The following IL12B variants were observed in gnomAD, a reference collection of about 807,000 sequenced individuals.
IL12B encodes interleukin 12B, also known as interleukin-12 subunit beta.
A neutral mutation model predicts 39.2 loss-of-function variants in IL12B; 27 were observed. That is an observed-to-expected ratio of 0.69 (90% confidence interval 0.51 to 0.95). The LOEUF is 0.95. IL12B is among the 40% of genes least tolerant of loss of function. The probability of loss-of-function intolerance (pLI) is 0.00; values close to 1 mark genes in which losing one functional copy is unlikely to be tolerated. For missense variants in IL12B, 351 were observed against 397.6 expected (o/e 0.88, Z 1.00); for synonymous variants, 142 against 152.1 (o/e 0.93, Z 0.49).
intron 2 of IL12B, 67 bp downstream of exon 2, chr5:159,326,628 C>G: frequency 8.8e-7 from 1 of 1,130,610 alleles, no homozygotes; most frequent in Admixed American, 1.7e-5. Flanking sequence ...GATTTCCCAC[C>G]AGTGGCTGCC....
rs769663930 is a variant in IL12B at position 159,318,720 on chromosome 5, C to A, written c.855+16G>T. The A allele has an allele frequency of 6.2e-7, 1 of 1,613,832 alleles. No individual in the cohort carries two copies. Among genetic ancestry groups the A allele is most frequent in the South Asian group, 1.1e-5 (1 of 91,078 alleles). ...AAACTGACCAAGGAATATACTGCACCTGAATCACTTCTTACCTTTTCTCTC... is the reference window on the plus strand; with the variant it reads ...AAACTGACCAAGGAATATACTGCACATGAATCACTTCTTACCTTTTCTCTC... On this transcript the variant is annotated intron_variant, in intron 6 of 7. Transcript: ENST00000231228.
intron 1 of IL12B, among the ~76,000 whole-genome samples, chr5:159,328,454 A>G (rs1484367498): frequency 6.6e-6 from 1 of 152,184 alleles, no homozygotes; most frequent in Non-Finnish European, 1.5e-5. Flanking sequence ...TGGACCTAAT[A>G]CTTATCTCAA....
In IL12B at chr5:159,315,980, A is replaced by T. The variant is rs894111405; in HGVS notation, c.*121T>A. On this transcript the variant is annotated 3_prime_UTR_variant, in exon 8 of 8. Transcript: ENST00000231228. ...ACAGCAAAGATATCATTGTGATCCTAAAAAAACGTTTTAAAGCAAATCAGA... is the reference window on the plus strand; with the variant it reads ...ACAGCAAAGATATCATTGTGATCCTTAAAAAACGTTTTAAAGCAAATCAGA... The T allele has an allele frequency of 2.7e-5, 4 of 150,686 alleles. No homozygotes were observed. The highest frequency in any genetic ancestry group is 1.0e-4 in the African/African-American group (4 of 39,766). The allele number at this position is 150,686 out of a possible 1,614,324, so 9.3% of individuals were successfully genotyped here.
intron 7 of IL12B, 26 bp downstream of exon 7, chr5:159,316,659 G>C: frequency 1.2e-6 from 2 of 1,605,070 alleles, no homozygotes; most frequent in South Asian, 2.2e-5. Context: ...GTGCAGGCCT[G>C]GGCTGGCCTT....
chr5:159,323,614 C>T (rs996199765), intron 2 of IL12B, among the ~76,000 whole-genome samples: 2 of 152,060 alleles, frequency 1.3e-5, no homozygotes, highest in Non-Finnish European at 2.9e-5. Context: ...CCTTAATATA[C>T]CAAAAACTGC....
intron 7 of IL12B, 28 bp downstream of exon 7, chr5:159,316,657 C>T (rs1254105220): frequency 3.7e-6 from 6 of 1,603,968 alleles, no homozygotes; most frequent in Non-Finnish European, 3.4e-6. Context: ...GAGTGCAGGC[C>T]TGGGCTGGCC....
chr5:159,326,662 G>A, intron 2 of IL12B, 33 bp downstream of exon 2: 1 of 1,459,022 alleles, frequency 6.9e-7, no homozygotes, highest in Admixed American at 1.7e-5. Context: ...TTAGAAGTGG[G>A]GCCTCCACAG....
chr5:159,324,163 G>T (rs1440291520), intron 2 of IL12B, among the ~76,000 whole-genome samples: 2 of 151,920 alleles, frequency 1.3e-5, no homozygotes, highest in African/African-American at 4.8e-5. Flanking sequence ...GTAGAGCTTA[G>T]TCTTCCCATT....
At chr5:159,326,626 A>G in intron 2 of IL12B, 69 bp downstream of exon 2, 1 of 1,121,882 alleles carries the variant, frequency 8.9e-7, no homozygotes, top group South Asian at 1.2e-5. Context: ...TTGATTTCCC[A>G]CCAGTGGCTG....
intron 1 of IL12B, among the ~76,000 whole-genome samples, chr5:159,328,219 C>A (rs530145062): frequency 6.6e-5 from 10 of 152,304 alleles, no homozygotes; most frequent in Admixed American, 5.9e-4. Context: ...CTGCTCAGTG[C>A]TGTCACCACA....
Position 159,320,412 on chromosome 5 carries a change from ACTGTC to A in IL12B, c.586_590del (p.Asp196CysfsTer6), listed in dbSNP as rs1754066422. The stretch of plus-strand genomic sequence containing the variant: ...GACTCTCCTCAGCAGCTGGGCAGGC[ACTGTC>A]CTCCTGGCACTCCACTGAGTACTCA... On this transcript the variant is annotated frameshift_variant, in exon 5 of 8. Transcript: ENST00000231228. LOFTEE classifies it high-confidence loss of function. 1 of 1,613,852 alleles carries A rather than the reference ACTGTC, an allele frequency of 6.2e-7. No homozygotes were observed. Among genetic ancestry groups the A allele is most frequent in the Admixed American group, 1.7e-5 (1 of 59,982 alleles).
chr5:159,323,162 C>T lies in IL12B; in HGVS notation c.256G>A (p.Gly86Ser). Reference protein sequence around the residue: ...TIQVKEFGDAGQYTCHKGGEV... With the variant: ...TIQVKEFGDASQYTCHKGGEV... ...CCTCCTTTGTGACAGGTGTACTGGCCAGCATCTCCAAACTCTTTGACTTGG... is the reference window on the plus strand; with the variant it reads ...CCTCCTTTGTGACAGGTGTACTGGCTAGCATCTCCAAACTCTTTGACTTGG... Residue 86 changes from glycine (G) to serine (S), a missense_variant, in exon 3 of 8, where the codon GGC (glycine) becomes AGC (serine). Gly to Ser is a moderately conservative substitution (Grantham distance 56). Transcript: ENST00000231228. The T allele has an allele frequency of 6.2e-7, 1 of 1,614,118 alleles. No individual in the cohort carries two copies. The highest frequency in any genetic ancestry group is 8.5e-7 in the Non-Finnish European group (1 of 1,179,998).
Position 159,320,662 on chromosome 5 carries a change from A to G in IL12B, c.483-142T>C. 2 of 716,302 alleles carry G rather than the reference A, an allele frequency of 2.8e-6. 1 individual carries two copies. Among genetic ancestry groups the G allele is most frequent in the South Asian group, 3.2e-5 (2 of 63,118 alleles). The allele number at this position is 716,302 out of a possible 1,614,324, so 44.4% of individuals were successfully genotyped here. On this transcript the variant is annotated intron_variant, in intron 4 of 7. Transcript: ENST00000231228. The stretch of plus-strand genomic sequence containing the variant: ...CTGGGCTGATTTCTACCCAGAGGGT[A>G]AGAAACTGCCCTCCCCAGGAGAAAA...
At chr5:159,321,764 T>C (rs967785831) in intron 4 of IL12B, among the ~76,000 whole-genome samples, 4 of 152,150 alleles carry the variant, frequency 2.6e-5, no homozygotes, top group East Asian at 1.9e-4. Context: ...GAAATAATGG[T>C]AAAGTCAGGA....
intron 5 of IL12B, 100 bp downstream of exon 5, chr5:159,320,206 G>T: frequency 1.0e-6 from 1 of 978,424 alleles, no homozygotes. Context: ...TAAAAGAGAT[G>T]ATGCTTGTCA....
intron 5 of IL12B, 99 bp downstream of exon 5, chr5:159,320,207 A>T: frequency 1.0e-6 from 1 of 985,928 alleles, no homozygotes; most frequent in South Asian, 1.3e-5. Context: ...AAAAGAGATG[A>T]TGCTTGTCAA....
Position 159,320,410 on chromosome 5 carries a change from G to C in IL12B, c.593C>G (p.Ala198Gly). 1.2e-6 allele frequency: 2 copies of C among 1,613,970 alleles called. No homozygotes were observed. Among genetic ancestry groups the C allele is most frequent in the Non-Finnish European group, 1.7e-6 (2 of 1,179,892 alleles). ...CAGACTCTCCTCAGCAGCTGGGCAG[G>C]CACTGTCCTCCTGGCACTCCACTGA... ...EYSVECQEDS[A>G]CPAAEESLPI... The change falls in exon 5 of 8, where the codon GCC becomes GGC. Residue 198 changes from alanine to glycine, a missense_variant. Transcript: ENST00000231228.
In IL12B at chr5:159,326,768, C is replaced by G. The variant is rs749205262; in HGVS notation, c.15G>C (p.Gln5His). The G allele has an allele frequency of 7.5e-6, 12 of 1,609,464 alleles. No individual in the cohort carries two copies. In the South Asian group the frequency reaches 1.1e-4, roughly 15 times the overall value. The change falls in exon 2 of 8, where the codon CAG (glutamine) becomes CAC (histidine). Residue 5 changes from glutamine (Q) to histidine (H), a missense_variant. Coordinates refer to ENST00000231228, the MANE Select transcript of IL12B (RefSeq NM_002187.3). ...CCAGGGAAAACCAAGAGATGACCAACTGCTGGTGACACATCTATAAGAAGG... is the reference window on the plus strand; with the variant it reads ...CCAGGGAAAACCAAGAGATGACCAAGTGCTGGTGACACATCTATAAGAAGG... MCHQ[Q>H]LVISWFSLVF...
At chr5:159,329,228 A>C (rs1439712312) in intron 1 of IL12B, among the ~76,000 whole-genome samples, 1 of 152,172 alleles carries the variant, frequency 6.6e-6, no homozygotes, top group African/African-American at 2.4e-5. Flanking sequence ...ATTATTAAAG[A>C]ATAAAAAGAT....
Sources: gnomAD v4.1 joint callset for allele counts (sites outside exome capture counted in the v4.1 genomes callset) on GRCh38, gnomAD v4.1.1 for gene constraint, MANE v1.5 for transcripts, NCBI Gene and HGNC (gene_info 2026-07-23, HGNC 2026-07-21) for gene names.